Variants in GPR26 observed in about 807,000 individuals in gnomAD.
The protein encoded by GPR26 is G protein-coupled receptor 26.
In GPR26, 15 loss-of-function variants were observed where a neutral mutation model predicts 23.1. That is an observed-to-expected ratio of 0.65 (90% CI 0.43 to 1.00). The LOEUF is 1.00. Among genes scored for constraint, GPR26 ranks in the 50% least tolerant of loss-of-function variants. The pLI is 0.00. For missense variants in GPR26, 359 were observed against 470.5 expected (o/e 0.76, Z 2.19); for synonymous variants, 228 against 222.1 (o/e 1.03, Z -0.24).
intron 1 of GPR26, 115 bp downstream of exon 1, chr10:123,667,190 C>G (rs572472199): frequency 2.4e-6 from 2 of 833,266 alleles, no homozygotes; most frequent in South Asian, 3.9e-5. Flanking sequence ...TCTGAGAACT[C>G]GAGGGTGGGG....
chr10:123,670,693 C>T (rs1845240196), intron 1 of GPR26, among the ~76,000 whole-genome samples: 3 of 152,190 alleles, frequency 2.0e-5, no homozygotes. Context: ...CGTTGCACAC[C>T]CATATTCCAT....
chr10:123,685,471 C>T (rs762366376), intron 2 of GPR26, among the ~76,000 whole-genome samples: 5 of 152,348 alleles, frequency 3.3e-5, no homozygotes, highest in Admixed American at 6.5e-5. Context: ...GCTCAGCCAG[C>T]CACAGCCGGG....
At chr10:123,675,823 T>TGTGTAC (rs1564731078) in intron 2 of GPR26, among the ~76,000 whole-genome samples, 19 of 140,480 alleles carry the variant, frequency 1.4e-4, no homozygotes, top group Non-Finnish European at 2.6e-4. Flanking sequence ...TGTGTACGTG[T>TGTGTAC]GTGTGTGTAC....
chr10:123,683,803 G>T (rs1033517343), intron 2 of GPR26, among the ~76,000 whole-genome samples: 2 of 152,176 alleles, frequency 1.3e-5, no homozygotes, highest in African/African-American at 4.8e-5. Flanking sequence ...GGGTTTGGGG[G>T]TCTGGCAAGA....
chr10:123,686,473 T>C (rs1845431376), intron 2 of GPR26, among the ~76,000 whole-genome samples: 1 of 152,056 alleles, frequency 6.6e-6, no homozygotes, highest in Non-Finnish European at 1.5e-5. Context: ...AGGTAGACAG[T>C]GGTGCTGAAA....
At chr10:123,678,002 T>C (rs1845328534) in intron 2 of GPR26, among the ~76,000 whole-genome samples, 1 of 152,204 alleles carries the variant, frequency 6.6e-6, no homozygotes, top group African/African-American at 2.4e-5. Flanking sequence ...CCCAGGGCTT[T>C]GGGAGGCCAA....
intron 2 of GPR26, among the ~76,000 whole-genome samples, chr10:123,685,219 A>C (rs1472073352): frequency 1.3e-5 from 2 of 152,214 alleles, no homozygotes; most frequent in Non-Finnish European, 1.5e-5. Flanking sequence ...GCAGAGCTAG[A>C]TCTGGCAGGA....
rs1456534362 is a variant in GPR26, at chr10:123,695,560, G to A, written c.*7400G>A. On this transcript the variant is annotated 3_prime_UTR_variant, in exon 3 of 3. Transcript: ENST00000284674. ...TCAGGGATTGGGTTTGATGTCGGGG[G>A]AGCATTGGATGCCATCACGTTGACA... Among the ~76,000 whole-genome samples the A allele has an allele frequency of 6.6e-6, 1 of 152,150 alleles. No homozygotes were observed. Among genetic ancestry groups the A allele is most frequent in the Non-Finnish European group, 1.5e-5 (1 of 68,028 alleles).
intron 1 of GPR26, among the ~76,000 whole-genome samples, chr10:123,667,945 G>C (rs974471662): frequency 6.6e-6 from 1 of 152,170 alleles, no homozygotes; most frequent in African/African-American, 2.4e-5. Flanking sequence ...ATAGGAAATC[G>C]AGGAGGGAAA....
intron 2 of GPR26, among the ~76,000 whole-genome samples, chr10:123,678,906 T>C (rs1845338363): frequency 6.6e-6 from 1 of 152,170 alleles, no homozygotes; most frequent in East Asian, 1.9e-4. Flanking sequence ...TTCCTTTGAG[T>C]CAGGGTTGAG....
rs1845484398 is a variant in GPR26, at chr10:123,690,839, A to C, written c.*2679A>C. On this transcript the variant is annotated 3_prime_UTR_variant, in exon 3 of 3. Transcript: ENST00000284674. ...TCATTTTGTTAATTTAATTTATCAA[A>C]GGTAACATTGTTTTCTCAGGTATAA... is the stretch of plus-strand genomic sequence containing the variant. 6.6e-6 allele frequency: 1 copy of C among 152,230 alleles called. No homozygotes were observed. Among genetic ancestry groups the C allele is most frequent in the Non-Finnish European group, 1.5e-5 (1 of 68,048 alleles). 9.4% of individuals were successfully genotyped at this position (152,230 alleles called of 1,614,324 possible).
Position 123,694,758 on chromosome 10 carries a change from T to C in GPR26, c.*6598T>C, listed in dbSNP as rs1466854505. On this transcript the variant is annotated 3_prime_UTR_variant, in exon 3 of 3. Transcript: ENST00000284674. The stretch of plus-strand genomic sequence containing the variant: ...TCCTGATGCAGATTCCCTAGGAAGT[T>C]GAACGAAGAAGGAAGGAAGGAAGAA... Among the ~76,000 whole-genome samples, 1 of 145,126 alleles carries C rather than the reference T, an allele frequency of 6.9e-6. No individual in the cohort carries two copies. The highest frequency in any genetic ancestry group is 2.7e-5 in the African/African-American group (1 of 37,022).
rs1365910477 is a variant in GPR26, at chr10:123,689,628, TG to T, written c.*1470del. ...CTTCCAGCTCTTTACATCCTAACTT[TG>T]GAGGTATAGAAGGAAGGATGTGGTC... On this transcript the variant is annotated 3_prime_UTR_variant, in exon 3 of 3. Transcript: ENST00000284674. 6.6e-6 allele frequency: 1 copy of T among 152,192 alleles called. No homozygotes were observed. Among genetic ancestry groups the T allele is most frequent in the East Asian group, 1.9e-4 (1 of 5,194 alleles). 9.4% of individuals were successfully genotyped at this position (152,192 alleles called of 1,614,324 possible).
intron 2 of GPR26, 93 bp from the exon 3 acceptor site, chr10:123,687,836 G>A (rs564284464): frequency 4.6e-5 from 36 of 788,822 alleles, no homozygotes; most frequent in African/African-American, 3.6e-4. Context: ...CTGCGAAACC[G>A]TGGTCTGCAG....
chr10:123,666,911 C>T lies in GPR26; in HGVS notation c.504C>T (p.Arg168=). The change falls in exon 1 of 3, where the codon CGC becomes CGT. Residue 168 remains arginine, a synonymous_variant. Transcript: ENST00000284674. ...LCSRRPDERL[R]FAVFTGAFHA... Reference sequence around the variant, plus strand: ...GCCGGCGGCCAGACGAGCGCCTGCGCTTCGCCGTCTTCACTGGCGCCTTCC... The same window carrying T: ...GCCGGCGGCCAGACGAGCGCCTGCGTTTCGCCGTCTTCACTGGCGCCTTCC... 1 of 1,613,108 alleles carries T rather than the reference C, an allele frequency of 6.2e-7. No homozygotes were observed. The highest frequency in any genetic ancestry group is 8.5e-7 in the Non-Finnish European group (1 of 1,179,802).
Position 123,692,400 on chromosome 10 carries a change from G to T in GPR26, c.*4240G>T, listed in dbSNP as rs1446732428. The T allele has an allele frequency of 6.6e-6, 1 of 152,316 alleles. No homozygotes were observed. The highest frequency in any genetic ancestry group is 2.4e-5 in the African/African-American group (1 of 41,472). 9.4% of individuals were successfully genotyped at this position (152,316 alleles called of 1,614,324 possible). A position where few individuals can be genotyped will look rare whatever the true frequency, so the allele number is the denominator to read the frequency against. ...CCAGGCTGAGGCAAGGTCAGCGAGAGACAGTTCTCCATGCCAGTATCTGGG... is the reference window on the plus strand; with the variant it reads ...CCAGGCTGAGGCAAGGTCAGCGAGATACAGTTCTCCATGCCAGTATCTGGG... On this transcript the variant is annotated 3_prime_UTR_variant, in exon 3 of 3. Transcript: ENST00000284674.
rs1353925217 is a variant in GPR26 at position 123,674,481 on chromosome 10, G to A, written c.669-337G>A. On this transcript the variant is annotated intron_variant, in intron 1 of 2. Coordinates refer to ENST00000284674, the MANE Select transcript of GPR26 (RefSeq NM_153442.4). This position sits in a 1 kb window ranked among gnomAD's most constrained non-coding sequence, Gnocchi z 4.1. The stretch of plus-strand genomic sequence containing the variant: ...TACTGACTTGGGCACTGTGCCGGTG[G>A]CTTTGTGTGCTTCACACATGGAATG... Among the ~76,000 whole-genome samples the A allele has an allele frequency of 1.3e-5, 2 of 152,236 alleles. No individual in the cohort carries two copies. Among genetic ancestry groups the A allele is most frequent in the East Asian group, 3.8e-4 (2 of 5,204 alleles).
At chr10:123,671,932 G>A (rs1360184761) in intron 1 of GPR26, among the ~76,000 whole-genome samples, 1 of 152,188 alleles carries the variant, frequency 6.6e-6, no homozygotes, top group Non-Finnish European at 1.5e-5. Flanking sequence ...ATGACAGCAA[G>A]TGCAAAGTGA....
Position 123,687,558 on chromosome 10 carries a change from A to G in GPR26, c.783-371A>G, listed in dbSNP as rs183101279. Among the ~76,000 whole-genome samples the G allele has an allele frequency of 1.1e-3, 163 of 152,276 alleles. No homozygotes were observed. The East Asian group carries it at 0.02, about 19-fold the overall frequency. Reference sequence around the variant, plus strand: ...GTTCTCAGTGCAGCTTGGATTTCAGAGTCAGACGGACCTAGGTTCAAATTC... The same window carrying G: ...GTTCTCAGTGCAGCTTGGATTTCAGGGTCAGACGGACCTAGGTTCAAATTC... On this transcript the variant is annotated intron_variant, in intron 2 of 2. Transcript: ENST00000284674.
Sources: allele counts gnomAD v4.1 joint callset (sites outside exome capture counted in the v4.1 genomes callset), GRCh38; gene constraint gnomAD v4.1.1; non-coding constraint Gnocchi (gnomAD v3.1); transcripts MANE v1.5; gene names NCBI Gene and HGNC (gene_info 2026-07-23, HGNC 2026-07-21).